Variants in GPATCH2 observed in about 807,000 individuals in gnomAD.
The protein encoded by GPATCH2 is G patch domain-containing protein 2.
A neutral mutation model predicts 58.0 loss-of-function variants in GPATCH2; 51 were observed. The observed-to-expected ratio is 0.88, with a 90% confidence interval of 0.70 to 1.11. GPATCH2 has a LOEUF of 1.11. Among genes scored for constraint, GPATCH2 ranks in the 50% most tolerant of loss-of-function variants. The pLI is 0.00. For missense variants in GPATCH2, 625 were observed against 652.2 expected, an observed-to-expected ratio of 0.96 and a Z score of 0.45; for synonymous variants, 222 against 218.5, an observed-to-expected ratio of 1.02 and a Z score of -0.14.
chr1:217,551,428 T>C (rs934998873), intron 5 of GPATCH2, among the ~76,000 whole-genome samples: 2 of 152,134 alleles, frequency 1.3e-5, no homozygotes, highest in African/African-American at 4.8e-5. Flanking sequence ...AATCAGAAAC[T>C]GGAAGTGGAC....
intron 9 of GPATCH2, 106 bp downstream of exon 9, chr1:217,449,143 C>T (rs949588187): frequency 2.8e-6 from 2 of 712,080 alleles, no homozygotes; most frequent in East Asian, 5.0e-5. Flanking sequence ...TTTCTTGCAA[C>T]TGTGCTTCTT....
intron 5 of GPATCH2, among the ~76,000 whole-genome samples, chr1:217,547,996 T>C (rs1665149383): frequency 6.6e-6 from 1 of 152,188 alleles, no homozygotes; most frequent in Non-Finnish European, 1.5e-5. Flanking sequence ...TGCCTTCCTT[T>C]TGCCTTCTGC....
chr1:217,431,663 A>G (rs1658540386), intron 9 of GPATCH2, among the ~76,000 whole-genome samples: 1 of 152,230 alleles, frequency 6.6e-6, no homozygotes, highest in African/African-American at 2.4e-5. Flanking sequence ...ATCTCACAGA[A>G]CTTTGTAGGA....
intron 5 of GPATCH2, among the ~76,000 whole-genome samples, chr1:217,569,397 T>C (rs1666426044): frequency 1.3e-5 from 2 of 151,994 alleles, no homozygotes; most frequent in African/African-American, 4.8e-5. Flanking sequence ...TTTAAGGTAA[T>C]AAATCAAATA....
intron 8 of GPATCH2, among the ~76,000 whole-genome samples, chr1:217,482,369 A>G (rs546528922): frequency 1.3e-5 from 2 of 152,184 alleles, no homozygotes; most frequent in South Asian, 2.1e-4. Context: ...GGGACAGGGT[A>G]TGATGGTACT....
chr1:217,498,683 C>T, intron 6 of GPATCH2: 1 of 513,136 alleles, frequency 1.9e-6, no homozygotes. Context: ...TTTTATGAAT[C>T]AATTCTGGTT....
intron 8 of GPATCH2, among the ~76,000 whole-genome samples, chr1:217,476,714 T>C (rs74142465): frequency 0.096 from 14,612 of 152,154 alleles, 1,353 homozygotes; most frequent in African/African-American, 0.24. Context: ...TCACCAATCC[T>C]AGCGGTCCAA....
At chr1:217,585,187 CT>C (rs966815965) in intron 5 of GPATCH2, among the ~76,000 whole-genome samples, 18 of 150,964 alleles carry the variant, frequency 1.2e-4, no homozygotes, top group East Asian at 3.9e-4. Context: ...CTACAATTTG[CT>C]TTTTTTTTCT....
chr1:217,541,924 G>T (rs1664764285), intron 5 of GPATCH2, among the ~76,000 whole-genome samples: 1 of 152,148 alleles, frequency 6.6e-6, no homozygotes. Flanking sequence ...TACATTTTAG[G>T]TATTCCATCT....
chr1:217,587,652 A>G (rs1667403184), intron 5 of GPATCH2, among the ~76,000 whole-genome samples: 1 of 152,176 alleles, frequency 6.6e-6, no homozygotes, highest in South Asian at 2.1e-4. Flanking sequence ...TTAGAGTTTG[A>G]GAACTCATAA....
In GPATCH2 at chr1:217,527,361, T is replaced by C. The variant is rs145665956; in HGVS notation, c.1099-12472A>G. Among the ~76,000 whole-genome samples the C allele has an allele frequency of 3.7e-3, 559 of 152,278 alleles. 1 individual carries two copies. Among genetic ancestry groups the C allele is most frequent in the Middle Eastern group, 0.034 (10 of 292 alleles). On this transcript the variant is annotated intron_variant, in intron 5 of 9. Coordinates refer to ENST00000366935, the MANE Select transcript of GPATCH2 (RefSeq NM_018040.5). ...GGTGAGTTCTGGACAATAAGAGGTATGTATAGTCACCAGGTGAAGCTTCTA... is the reference window on the plus strand; with the variant it reads ...GGTGAGTTCTGGACAATAAGAGGTACGTATAGTCACCAGGTGAAGCTTCTA...
chr1:217,574,344 T>A (rs1162352508), intron 5 of GPATCH2, among the ~76,000 whole-genome samples: 1 of 152,126 alleles, frequency 6.6e-6, no homozygotes, highest in East Asian at 1.9e-4. Context: ...TTGAAACCAA[T>A]AAACTCAAAA....
At chr1:217,569,815 G>T (rs1666450347) in intron 5 of GPATCH2, among the ~76,000 whole-genome samples, 1 of 152,110 alleles carries the variant, frequency 6.6e-6, no homozygotes, top group African/African-American at 2.4e-5. Context: ...AATACCACAA[G>T]GAAGACAAGA....
intron 8 of GPATCH2, among the ~76,000 whole-genome samples, chr1:217,484,723 T>TA (rs1301897665): frequency 2.0e-5 from 3 of 150,450 alleles, no homozygotes; most frequent in Admixed American, 6.6e-5. Flanking sequence ...ATAGAGGTGA[T>TA]ATATGTGCAT....
At chr1:217,499,062 C>A (rs900592261) in intron 6 of GPATCH2, among the ~76,000 whole-genome samples, 1 of 152,110 alleles carries the variant, frequency 6.6e-6, no homozygotes, top group Non-Finnish European at 1.5e-5. Flanking sequence ...CTGGCAATAC[C>A]TTTTCCACGG....
intron 2 of GPATCH2, among the ~76,000 whole-genome samples, chr1:217,614,651 A>G (rs2102824901): frequency 6.6e-6 from 1 of 152,168 alleles, no homozygotes; most frequent in Admixed American, 6.6e-5. Flanking sequence ...TTTCATAACC[A>G]CATTTACAAA....
At chr1:217,541,474 A>T (rs1664738386) in intron 5 of GPATCH2, among the ~76,000 whole-genome samples, 1 of 152,190 alleles carries the variant, frequency 6.6e-6, no homozygotes, top group Non-Finnish European at 1.5e-5. Flanking sequence ...GTCCTGTCAC[A>T]GCAGTTAAAA....
intron 5 of GPATCH2, among the ~76,000 whole-genome samples, chr1:217,544,586 C>A (rs1409341382): frequency 6.6e-6 from 1 of 152,148 alleles, no homozygotes; most frequent in Non-Finnish European, 1.5e-5. Flanking sequence ...CCTTCCATAC[C>A]CAGGCTGCTA....
At position 217,480,558 on chromosome 1, in the gene GPATCH2, C is replaced by T. The variant is rs570530638; in HGVS notation, c.1277+11122G>A. 2.0e-4 allele frequency among the ~76,000 whole-genome samples: 30 copies of T among 152,168 alleles called. No individual in the cohort carries two copies. The South Asian group carries it at 5.4e-3, about 27-fold the overall frequency. On this transcript the variant is annotated intron_variant, in intron 8 of 9. Coordinates refer to ENST00000366935, the MANE Select transcript of GPATCH2 (RefSeq NM_018040.5). ...TTGTTGGCAGGAAAGTAAATTAGTA[C>T]AACCACTATGGAGAACAATTTGGAG...
Sources: gnomAD v4.1 joint callset for allele counts (sites outside exome capture counted in the v4.1 genomes callset) on GRCh38, gnomAD v4.1.1 for gene constraint, MANE v1.5 for transcripts, NCBI Gene and HGNC (gene_info 2026-07-23, HGNC 2026-07-21) for gene names.